The following SLC16A7 variants were observed in gnomAD, a reference collection of about 807,000 sequenced individuals.
The protein encoded by SLC16A7 is solute carrier family 16 member 7.
Under a neutral mutation model 34.9 loss-of-function variants are expected in SLC16A7, and 33 were observed. That is an observed-to-expected ratio of 0.94 (90% confidence interval 0.72 to 1.26). The LOEUF (loss-of-function observed/expected upper bound fraction) is 1.26, where lower values mean the gene tolerates loss of function less well. Ranked by LOEUF, SLC16A7 falls within the 50% of genes most tolerant of loss-of-function variation. The pLI is 0.00. For synonymous variants in SLC16A7, 201 were observed against 206.6 expected (o/e 0.97, Z 0.23); for missense variants, 573 against 578.1 (o/e 0.99, Z 0.09).
chr12:59,740,774 C>T (rs1878227913), intron 3 of SLC16A7, among the ~76,000 whole-genome samples: 1 of 152,018 alleles, frequency 6.6e-6, no homozygotes, highest in Non-Finnish European at 1.5e-5. Context: ...TCAAATTGTC[C>T]CTGTTTGCAG....
chr12:59,693,057 C>T (rs888823973), intron 2 of SLC16A7, among the ~76,000 whole-genome samples: 1 of 151,774 alleles, frequency 6.6e-6, no homozygotes, highest in Non-Finnish European at 1.5e-5. Flanking sequence ...TCTTTGAGAA[C>T]AAATTAATTC....
At chr12:59,749,759 A>C (rs1466079691) in intron 3 of SLC16A7, among the ~76,000 whole-genome samples, 1 of 152,222 alleles carries the variant, frequency 6.6e-6, no homozygotes, top group Non-Finnish European at 1.5e-5. Flanking sequence ...TGATAGAGCC[A>C]ATCAAAGAAA....
chr12:59,605,586 G>A (rs1878899046), intron 1 of SLC16A7, among the ~76,000 whole-genome samples: 1 of 152,214 alleles, frequency 6.6e-6, no homozygotes, highest in African/African-American at 2.4e-5. Context: ...CCCCTGCTGT[G>A]TTCCAGACAC....
rs191076623 is a variant in SLC16A7, at chr12:59,625,216, G to A, written c.-130+28980G>A. Among the ~76,000 whole-genome samples, 10 of 151,826 alleles carry A rather than the reference G, an allele frequency of 6.6e-5. No homozygotes were observed. The East Asian group carries it at 1.2e-3, about 18-fold the overall frequency. On this transcript the variant is annotated intron_variant, in intron 1 of 5. Coordinates refer to ENST00000547379, the MANE Select transcript of SLC16A7 (RefSeq NM_001270623.2). Reference sequence around the variant, plus strand: ...AAGCCTGATTTTATGAGGCCTTACAGGAATGATAATGCAGTGCTGATTTTC... The same window carrying A: ...AAGCCTGATTTTATGAGGCCTTACAAGAATGATAATGCAGTGCTGATTTTC...
At chr12:59,687,216 G>A (rs1174743917) in intron 2 of SLC16A7, among the ~76,000 whole-genome samples, 4 of 151,810 alleles carry the variant, frequency 2.6e-5, no homozygotes, top group African/African-American at 9.7e-5. Context: ...AAGCTAAGTG[G>A]GGGGTGGGGG....
chr12:59,651,066 C>A (rs903883093), intron 1 of SLC16A7, among the ~76,000 whole-genome samples: 3 of 152,154 alleles, frequency 2.0e-5, no homozygotes, highest in African/African-American at 4.8e-5. Context: ...ATAAACTGAG[C>A]ATGGCAACAT....
intron 2 of SLC16A7, among the ~76,000 whole-genome samples, chr12:59,693,193 A>G (rs188328301): frequency 9.5e-4 from 144 of 152,058 alleles, no homozygotes; most frequent in Non-Finnish European, 1.3e-4. Context: ...TCTAAGAACT[A>G]TTGATTATTT....
chr12:59,674,392 G>C (rs1181775646), intron 2 of SLC16A7, among the ~76,000 whole-genome samples: 3 of 152,138 alleles, frequency 2.0e-5, no homozygotes, highest in Admixed American at 6.5e-5. Flanking sequence ...TGAATTAAAT[G>C]ATAGAAAGAG....
intron 2 of SLC16A7, among the ~76,000 whole-genome samples, chr12:59,698,435 A>G (rs2137118949): frequency 6.6e-6 from 1 of 151,890 alleles, no homozygotes. Context: ...TAAGAAGCAC[A>G]TATTTCACAT....
intron 1 of SLC16A7, among the ~76,000 whole-genome samples, chr12:59,636,134 C>T (rs1348551368): frequency 2.6e-5 from 4 of 151,764 alleles, no homozygotes; most frequent in South Asian, 2.1e-4. Context: ...TTCATGAACT[C>T]GTGAGATAAA....
intron 1 of SLC16A7, among the ~76,000 whole-genome samples, chr12:59,623,157 A>T (rs922470145): frequency 6.6e-6 from 1 of 150,580 alleles, no homozygotes; most frequent in African/African-American, 2.4e-5. Flanking sequence ...TTCATCTGTC[A>T]TGGCATTAGC....
At chr12:59,716,280 C>A (rs753428912) in intron 3 of SLC16A7, among the ~76,000 whole-genome samples, 9 of 152,150 alleles carry the variant, frequency 5.9e-5, no homozygotes, top group Admixed American at 6.5e-5. Context: ...TATATATTCT[C>A]AGCACCCCAG....
At chr12:59,771,043 G>A (rs988865706) in intron 3 of SLC16A7, among the ~76,000 whole-genome samples, 176 bp from the exon 4 acceptor site, 1 of 152,116 alleles carries the variant, frequency 6.6e-6, no homozygotes, top group African/African-American at 2.4e-5. Flanking sequence ...AAAATAACCT[G>A]TCAAACTGAT....
intron 2 of SLC16A7, among the ~76,000 whole-genome samples, chr12:59,689,011 A>G (rs1871362111): frequency 6.6e-6 from 1 of 151,986 alleles, no homozygotes; most frequent in African/African-American, 2.4e-5. Context: ...TCCTAATTCT[A>G]TAGCCTATGT....
chr12:59,687,052 T>G (rs1327235858), intron 2 of SLC16A7, among the ~76,000 whole-genome samples: 1 of 151,960 alleles, frequency 6.6e-6, no homozygotes, highest in African/African-American at 2.4e-5. Flanking sequence ...ATATATATAA[T>G]TTTTACTTGT....
At chr12:59,665,041 C>G (rs1299152607) in intron 2 of SLC16A7, 2 of 152,092 alleles carry the variant, frequency 1.3e-5, no homozygotes, top group African/African-American at 4.8e-5. Flanking sequence ...ATTTCATACT[C>G]TAAGCATATT....
Position 59,704,847 on chromosome 12 carries a change from G to A in SLC16A7, c.46G>A (p.Gly16Arg). The A allele has an allele frequency of 1.2e-6, 2 of 1,613,842 alleles. No homozygotes were observed. Among genetic ancestry groups the A allele is most frequent in the Non-Finnish European group, 1.7e-6 (2 of 1,179,828 alleles). Residue 16 changes from glycine (G) to arginine (R), a missense_variant, in exon 3 of 6, where the codon GGA becomes AGA. Coordinates refer to ENST00000547379, the MANE Select transcript of SLC16A7 (RefSeq NM_001270623.2). Reference sequence around the variant, plus strand: ...CCCACCTGTGCATCCACCTCCAGATGGAGGATGGGGTTGGATTGTGGTTGG... The same window carrying A: ...CCCACCTGTGCATCCACCTCCAGATAGAGGATGGGGTTGGATTGTGGTTGG... ...SAPPVHPPPD[G>R]GWGWIVVGAA...
chr12:59,736,038 A>C (rs1022630015), intron 3 of SLC16A7: 2 of 453,010 alleles, frequency 4.4e-6, no homozygotes, highest in East Asian at 8.6e-5. Flanking sequence ...TTTTAATAAG[A>C]ACTCAGGGAT....
intron 1 of SLC16A7, among the ~76,000 whole-genome samples, chr12:59,614,824 T>TAAAAAA (rs71448588): frequency 1.1e-4 from 4 of 35,754 alleles, no homozygotes; most frequent in African/African-American, 4.9e-4. Flanking sequence ...CCATTCCTAC[T>TAAAAAA]AAAAAAAAAA....
Sources: gnomAD v4.1 joint callset for allele counts (sites outside exome capture counted in the v4.1 genomes callset) on GRCh38, gnomAD v4.1.1 for gene constraint, MANE v1.5 for transcripts, NCBI Gene and HGNC (gene_info 2026-07-23, HGNC 2026-07-21) for gene names.